The following MAP3K6 variants were observed in gnomAD, a reference collection of about 807,000 sequenced individuals.
MAP3K6 encodes mitogen-activated protein kinase kinase kinase 6.
In MAP3K6, 105 loss-of-function variants were observed where a neutral mutation model predicts 147.1. That is an observed-to-expected ratio of 0.71 (90% CI 0.61 to 0.84). The LOEUF is 0.84. MAP3K6 is among the 40% of genes least tolerant of loss of function. The pLI is 0.00. For missense variants in MAP3K6, 1,569 were observed against 1,715.0 expected, an observed-to-expected ratio of 0.91 and a Z score of 1.50; for synonymous variants, 695 against 732.4, an observed-to-expected ratio of 0.95 and a Z score of 0.82.
At position 27,359,417 on chromosome 1, in the gene MAP3K6, C is replaced by T; in HGVS notation, c.2425G>A (p.Gly809Arg). The T allele has an allele frequency of 1.2e-6, 2 of 1,614,138 alleles. No homozygotes were observed. Among genetic ancestry groups the T allele is most frequent in the Non-Finnish European group, 1.7e-6 (2 of 1,180,004 alleles). The change falls in exon 18 of 29, where the codon GGA becomes AGA. Residue 809 changes from glycine to arginine, a missense_variant and splice_region_variant. By Grantham distance (125) the Gly-to-Arg change is moderately radical (BLOSUM62 -2). Transcript: ENST00000357582. The surrounding 1 kb of genome is among the most constrained non-coding windows in gnomAD (Gnocchi z 4.4). Reference protein sequence around the residue: ...GITPCTETFTGTLQYMAPEII... With the variant: ...GITPCTETFTRTLQYMAPEII... ...ACTCACCACCCCCACACCTTGTTAC[C>T]TGTGAAGGTCTCAGTGCAAGGTGTG...
Position 27,366,335 on chromosome 1 carries a change from GGCGGCC to G in MAP3K6, c.257_262del (p.Arg86_Pro87del). 1 of 1,293,992 alleles carries G rather than the reference GGCGGCC, an allele frequency of 7.7e-7. No individual in the cohort carries two copies. The highest frequency in any genetic ancestry group is 9.8e-7 in the Non-Finnish European group (1 of 1,022,668). The allele number at this position is 1,293,992 out of a possible 1,614,324, so 80.2% of individuals were successfully genotyped here. A position where few individuals can be genotyped will look rare whatever the true frequency, so the allele number is the denominator to read the frequency against. ...GAAGGGCAGGCTGCGCAGCTGCGGGGGCGGCCGCGGCCGGGGGACCTGCGCGCAAGC... is the reference window on the plus strand; with the variant it reads ...GAAGGGCAGGCTGCGCAGCTGCGGGGGCGGCCGGGGGACCTGCGCGCAAGC... On this transcript the variant is annotated inframe_deletion, in exon 1 of 29. Coordinates refer to ENST00000357582, the MANE Select transcript of MAP3K6 (RefSeq NM_004672.5). This position sits in a 1 kb window ranked among gnomAD's most constrained non-coding sequence, Gnocchi z 5.5.
chr1:27,362,155 C>T lies in MAP3K6; in HGVS notation c.1351G>A (p.Ala451Thr), dbSNP rs750854600. The T allele has an allele frequency of 7.4e-6, 12 of 1,613,574 alleles. No homozygotes were observed. Among genetic ancestry groups the T allele is most frequent in the South Asian group, 1.1e-5 (1 of 91,088 alleles). The change falls in exon 9 of 29, where the codon GCC becomes ACC. Residue 451 changes from alanine to threonine, a missense_variant. Coordinates refer to ENST00000357582, the MANE Select transcript of MAP3K6 (RefSeq NM_004672.5). ...VGFYLGAQILANDPTQVVLAA... is the reference protein window; with the variant it reads ...VGFYLGAQILTNDPTQVVLAA... ...AGCACCACCTGGGTGGGGTCATTGG[C>T]GAGGATCTGGGCTCCCAGGTAGAAA...
Position 27,360,188 on chromosome 1 carries a change from C to T in MAP3K6, c.2182+53G>A, listed in dbSNP as rs1358428931. On this transcript the variant is annotated intron_variant, in intron 16 of 28. Coordinates refer to ENST00000357582, the MANE Select transcript of MAP3K6 (RefSeq NM_004672.5). The surrounding 1 kb of genome is among the most constrained non-coding windows in gnomAD (Gnocchi z 4.5). Reference sequence around the variant, plus strand: ...TAGGGCTCTCTACCCCTGCCTGCCTCGGTCCCATGCTTCACACCTCGGTTT... The same window carrying T: ...TAGGGCTCTCTACCCCTGCCTGCCTTGGTCCCATGCTTCACACCTCGGTTT... The T allele has an allele frequency of 5.6e-6, 9 of 1,604,830 alleles. No homozygotes were observed. The highest frequency in any genetic ancestry group is 5.4e-5 in the African/African-American group (4 of 74,766).
In MAP3K6 at chr1:27,364,213, G is replaced by A; in HGVS notation, c.686C>T (p.Thr229Ile). 1 of 1,611,806 alleles carries A rather than the reference G, an allele frequency of 6.2e-7. No homozygotes were observed. ...RLARLLEATP[T>I]DSCGYFRETI... ...TGGGGGCCTTCATTACCAAGAGTCT[G>A]TGGGTGTGGCCTCCAGCAGGCGGGC... The change falls in exon 4 of 29, where the codon ACA (threonine) becomes ATA (isoleucine). Residue 229 changes from threonine (T) to isoleucine (I), a missense_variant. Physicochemically the swap from Thr to Ile is moderately conservative, Grantham distance 89 (BLOSUM62 -1). Coordinates refer to ENST00000357582, the MANE Select transcript of MAP3K6 (RefSeq NM_004672.5). This position sits in a 1 kb window ranked among gnomAD's most constrained non-coding sequence, Gnocchi z 4.4.
Position 27,366,234 on chromosome 1 carries a change from C to A in MAP3K6, c.340+24G>T. On this transcript the variant is annotated intron_variant, in intron 1 of 28. Transcript: ENST00000357582. The surrounding 1 kb of genome is among the most constrained non-coding windows in gnomAD (Gnocchi z 5.5). ...CAGGACCCTGAGTCCCGCCCGGATC[C>A]GGCCCCGCCCCCAGCGCTCTCACCC... is the stretch of plus-strand genomic sequence containing the variant. 1 of 1,293,100 alleles carries A rather than the reference C, an allele frequency of 7.7e-7. No homozygotes were observed. Among genetic ancestry groups the A allele is most frequent in the South Asian group, 2.3e-5 (1 of 43,190 alleles). The allele number at this position is 1,293,100 out of a possible 1,614,324, so 80.1% of individuals were successfully genotyped here. A position where few individuals can be genotyped will look rare whatever the true frequency, so the allele number is the denominator to read the frequency against.
rs761397853 is a variant in MAP3K6, at chr1:27,358,418, C to T, written c.2776+1G>A. ...GTGCCCATCCCGCCACCCGCAAGCA[C>T]CTGAGGGCCGTGGAGCATGTCGTGG... On this transcript the variant is annotated splice_donor_variant, in intron 20 of 28. Transcript: ENST00000357582. LOFTEE classifies it high-confidence loss of function. This position sits in a 1 kb window ranked among gnomAD's most constrained non-coding sequence, Gnocchi z 6.2. 1 of 1,589,056 alleles carries T rather than the reference C, an allele frequency of 6.3e-7. No homozygotes were observed. The highest frequency in any genetic ancestry group is 2.0e-5 in the Admixed American group (1 of 50,980).
At position 27,364,248 on chromosome 1, in the gene MAP3K6, C is replaced by T. The variant is rs757277543; in HGVS notation, c.651G>A (p.Val217=). ...CCTCCAGCAGGCGGGCAAGCCGGCC[C>T]ACCAGGGGAGTGAGCAGGGCCTCGG... The part of the protein sequence containing the change: ...VGTEALLTPL[V]GRLARLLEAT... The change falls in exon 4 of 29, where the codon GTG becomes GTA. Residue 217 remains valine, a synonymous_variant. Transcript: ENST00000357582. The surrounding 1 kb of genome is among the most constrained non-coding windows in gnomAD (Gnocchi z 4.4). The T allele has an allele frequency of 1.2e-6, 2 of 1,613,400 alleles. No individual in the cohort carries two copies. Among genetic ancestry groups the T allele is most frequent in the Non-Finnish European group, 1.7e-6 (2 of 1,179,984 alleles).
intron 1 of MAP3K6, among the ~76,000 whole-genome samples, chr1:27,365,977 G>A (rs2015964695): frequency 2.3e-5 from 2 of 85,336 alleles, no homozygotes; most frequent in East Asian, 7.1e-4. Flanking sequence ...TCCTTGCCCC[G>A]CTGGCTGGGC....
chr1:27,358,926 GA>G lies in MAP3K6; in HGVS notation c.2426-61del. 6.6e-7 allele frequency: 1 copy of G among 1,506,040 alleles called. No individual in the cohort carries two copies. The highest frequency in any genetic ancestry group is 8.9e-7 in the Non-Finnish European group (1 of 1,121,984). The allele number at this position is 1,506,040 out of a possible 1,614,324, so 93.3% of individuals were successfully genotyped here. A position where few individuals can be genotyped will look rare whatever the true frequency, so the allele number is the denominator to read the frequency against. On this transcript the variant is annotated intron_variant, in intron 18 of 28. Coordinates refer to ENST00000357582, the MANE Select transcript of MAP3K6 (RefSeq NM_004672.5). This position sits in a 1 kb window ranked among gnomAD's most constrained non-coding sequence, Gnocchi z 6.2. ...GGCTTCATCATGGGGTTGGAGCAGG[GA>G]GGGGAATGCCGTCATCCTCAGGCCG...
rs148837088 is a variant in MAP3K6, at chr1:27,366,676, C to G, written c.-79G>C. 1,645 of 1,001,468 alleles carry G rather than the reference C, an allele frequency of 1.6e-3. 52 individuals are homozygous for G. The East Asian group carries it at 0.051, about 31-fold the overall frequency. The allele number at this position is 1,001,468 out of a possible 1,614,324, so 62.0% of individuals were successfully genotyped here. A position where few individuals can be genotyped will look rare whatever the true frequency, so the allele number is the denominator to read the frequency against. On this transcript the variant is annotated 5_prime_UTR_variant, in exon 1 of 29. Coordinates refer to ENST00000357582, the MANE Select transcript of MAP3K6 (RefSeq NM_004672.5). The surrounding 1 kb of genome is among the most constrained non-coding windows in gnomAD (Gnocchi z 5.5). ...GAGCCTGGGCCGGCAGATCAGGAAT[C>G]TTGGGATCTGGAATCCGTTCGGAAT...
rs34008139 is a variant in MAP3K6 at position 27,358,747 on chromosome 1, A to AG, written c.2544dup (p.Phe849LeufsTer40). On this transcript the variant is annotated frameshift_variant, in exon 19 of 29. Coordinates refer to ENST00000357582, the MANE Select transcript of MAP3K6 (RefSeq NM_004672.5). LOFTEE classifies it high-confidence loss of function. This position sits in a 1 kb window ranked among gnomAD's most constrained non-coding sequence, Gnocchi z 6.2. ...GCCTGTGGGCTCCCGAGCTCGTGGAAGGGGGGGCGACCTGTGGCCATCTCA... is the reference window on the plus strand; with the variant it reads ...GCCTGTGGGCTCCCGAGCTCGTGGAAGGGGGGGGCGACCTGTGGCCATCTCA... The AG allele has an allele frequency of 2.7e-5, 44 of 1,613,680 alleles. No homozygotes were observed. The highest frequency in any genetic ancestry group is 1.2e-4 in the Admixed American group (7 of 59,966).
In MAP3K6 at chr1:27,366,641, G is replaced by C. The variant is rs1328364236; in HGVS notation, c.-44C>G. 6 of 1,070,832 alleles carry C rather than the reference G, an allele frequency of 5.6e-6. No individual in the cohort carries two copies. The highest frequency in any genetic ancestry group is 5.6e-6 in the Non-Finnish European group (5 of 884,964). The allele number at this position is 1,070,832 out of a possible 1,614,324, so 66.3% of individuals were successfully genotyped here. ...GGGGCGCCGCGCACTGGGAACCGGG[G>C]GCGGGGCAGGAGCCTGGGCCGGCAG... is the stretch of plus-strand genomic sequence containing the variant. On this transcript the variant is annotated 5_prime_UTR_variant, in exon 1 of 29. Coordinates refer to ENST00000357582, the MANE Select transcript of MAP3K6 (RefSeq NM_004672.5). This position sits in a 1 kb window ranked among gnomAD's most constrained non-coding sequence, Gnocchi z 5.5.
In MAP3K6 at chr1:27,362,240, C is replaced by T; in HGVS notation, c.1266G>A (p.Leu422=). The T allele has an allele frequency of 6.2e-7, 1 of 1,610,598 alleles. No individual in the cohort carries two copies. The highest frequency in any genetic ancestry group is 8.5e-7 in the Non-Finnish European group (1 of 1,178,352). ...AGCCTTTGCGGGCCAGCAGGCAGCC[C>T]AGCTTCATGCCTGGGGGAGAGAGGC... ...SKELRLIGMK[L]GCLLARKGCV... Residue 422 remains leucine, a synonymous_variant, in exon 9 of 29, where the codon CTG becomes CTA. Coordinates refer to ENST00000357582, the MANE Select transcript of MAP3K6 (RefSeq NM_004672.5).
chr1:27,356,433 G>A lies in MAP3K6; in HGVS notation c.3592C>T (p.Leu1198=), dbSNP rs776123568. Residue 1198 remains leucine, a synonymous_variant, in exon 26 of 29, where the codon CTG becomes TTG. Coordinates refer to ENST00000357582, the MANE Select transcript of MAP3K6 (RefSeq NM_004672.5). Reference sequence around the variant, plus strand: ...ACATAGGTCCGGGCTTCCTCATTCAGCCGCTGTAGAGCCCGCTGCACCAGG... The same window carrying A: ...ACATAGGTCCGGGCTTCCTCATTCAACCGCTGTAGAGCCCGCTGCACCAGG... ...QALVQRALQR[L]NEEARTYVLA... 3 of 1,613,670 alleles carry A rather than the reference G, an allele frequency of 1.9e-6. No homozygotes were observed. The highest frequency in any genetic ancestry group is 2.5e-6 in the Non-Finnish European group (3 of 1,179,942).
intron 5 of MAP3K6, 73 bp downstream of exon 5, chr1:27,363,844 A>G: frequency 7.1e-7 from 1 of 1,417,110 alleles, no homozygotes. Flanking sequence ...CAAGTGGCCC[A>G]GCCAGGAACT....
In MAP3K6 at chr1:27,355,261, T is replaced by G. The variant is rs1377725322; in HGVS notation, c.*130A>C. On this transcript the variant is annotated 3_prime_UTR_variant, in exon 29 of 29. Coordinates refer to ENST00000357582, the MANE Select transcript of MAP3K6 (RefSeq NM_004672.5). ...GGTTGGTTTCTCTCACTGGAACCAG[T>G]CCTGGGCCCCACTCGCCTGGCTTCC... The G allele has an allele frequency of 3.5e-6, 3 of 847,178 alleles. No homozygotes were observed. The African/African-American group carries it at 5.0e-5, about 14-fold the overall frequency. The allele number at this position is 847,178 out of a possible 1,614,324, so 52.5% of individuals were successfully genotyped here.
chr1:27,357,455 G>C lies in MAP3K6; in HGVS notation c.3203C>G (p.Ala1068Gly), dbSNP rs1276741184. 4 of 1,613,408 alleles carry C rather than the reference G, an allele frequency of 2.5e-6. No individual in the cohort carries two copies. ...ELRALQGRLRAQGLGPALLHR... is the reference protein window; with the variant it reads ...ELRALQGRLRGQGLGPALLHR... ...CAGAAGCGCAGGCCCAAGGCCCTGGGCCCTCAGCCGTCCTTGCAGCGCCCG... is the reference window on the plus strand; with the variant it reads ...CAGAAGCGCAGGCCCAAGGCCCTGGCCCCTCAGCCGTCCTTGCAGCGCCCG... The change falls in exon 23 of 29, where the codon GCC (alanine) becomes GGC (glycine). Residue 1068 changes from alanine to glycine, a missense_variant. By Grantham distance (60) the Ala-to-Gly change is moderately conservative. Transcript: ENST00000357582.
intron 24 of MAP3K6, 110 bp downstream of exon 24, chr1:27,356,899 G>T: frequency 7.1e-7 from 1 of 1,403,224 alleles, no homozygotes; most frequent in Non-Finnish European, 9.8e-7. Context: ...CCCCACCGGC[G>T]CCTGCCTGCC....
At position 27,361,717 on chromosome 1, in the gene MAP3K6, G is replaced by A. The variant is rs771238520; in HGVS notation, c.1566C>T (p.Gly522=). Residue 522 remains glycine (G), a synonymous_variant, in exon 10 of 29, where the codon GGC becomes GGT. Transcript: ENST00000357582. ...CQPFKTACAQ[G]DQCLVLVLEM... ...CTACAGGCCTCACCAAGCACTGGTC[G>A]CCCTGGGCACAGGCTGTCTTGAATG... is the stretch of plus-strand genomic sequence containing the variant. 8.1e-6 allele frequency: 13 copies of A among 1,613,142 alleles called. No individual in the cohort carries two copies. In the Middle Eastern group the frequency reaches 4.9e-4, roughly 61 times the overall value.
Sources: gnomAD v4.1 joint callset for allele counts (sites outside exome capture counted in the v4.1 genomes callset) on GRCh38, gnomAD v4.1.1 for gene constraint, Gnocchi (gnomAD v3.1) non-coding constraint, MANE v1.5 for transcripts, NCBI Gene and HGNC (gene_info 2026-07-23, HGNC 2026-07-21) for gene names.